Variants in RP9 observed in about 807,000 individuals in gnomAD.
RP9 encodes retinitis pigmentosa 9 protein.
Under a neutral mutation model 32.6 loss-of-function variants are expected in RP9, and 23 were observed. The observed-to-expected ratio is 0.71, with a 90% CI of 0.51 to 1.00. The LOEUF (loss-of-function observed/expected upper bound fraction) is 1.00, where lower values mean the gene tolerates loss of function less well. Among genes scored for constraint, RP9 ranks in the 50% least tolerant of loss-of-function variants. RP9 has a pLI of 0.00. For missense variants in RP9, 245 were observed against 285.3 expected (o/e 0.86, Z 1.02); for synonymous variants, 94 against 103.6 (o/e 0.91, Z 0.56).
intron 1 of RP9, among the ~76,000 whole-genome samples, chr7:33,104,349 T>A (rs185287460): frequency 7.9e-5 from 12 of 152,178 alleles, no homozygotes; most frequent in African/African-American, 2.9e-4. Context: ...AAAATAACTC[T>A]TGGGTACTAG....
chr7:33,098,660 G>C (rs1345983600), intron 3 of RP9, among the ~76,000 whole-genome samples: 3 of 152,158 alleles, frequency 2.0e-5, no homozygotes, highest in African/African-American at 7.2e-5. Flanking sequence ...TGAACTCTGA[G>C]GCACGTTGTC....
intron 1 of RP9, among the ~76,000 whole-genome samples, chr7:33,102,502 A>G (rs1185029030): frequency 6.6e-6 from 1 of 152,202 alleles, no homozygotes; most frequent in Non-Finnish European, 1.5e-5. Flanking sequence ...GATAAAAAAA[A>G]GTTGATTGAG....
rs764715426 is a variant in RP9 at position 33,095,965 on chromosome 7, T to A, written c.467+528A>T. 3.3e-5 allele frequency among the ~76,000 whole-genome samples: 5 copies of A among 152,140 alleles called. No individual in the cohort carries two copies. The South Asian group carries it at 1.0e-3, about 31-fold the overall frequency. Reference sequence around the variant, plus strand: ...CTCCCACCTCATCCTCCCGAGTGGCTGGAACTACAGGTGCGTGCTGCCATA... The same window carrying A: ...CTCCCACCTCATCCTCCCGAGTGGCAGGAACTACAGGTGCGTGCTGCCATA... On this transcript the variant is annotated intron_variant, in intron 5 of 5. Coordinates refer to ENST00000297157, the MANE Select transcript of RP9 (RefSeq NM_203288.2).
intron 1 of RP9, among the ~76,000 whole-genome samples, chr7:33,101,941 C>G (rs142186703): frequency 2.0e-5 from 3 of 152,238 alleles, no homozygotes; most frequent in Middle Eastern, 3.4e-3. Flanking sequence ...AGGAGCTTGA[C>G]AGTAAAGTCT....
At chr7:33,108,691 C>G (rs1788536559) in intron 1 of RP9, among the ~76,000 whole-genome samples, 2 of 152,332 alleles carry the variant, frequency 1.3e-5, no homozygotes, top group South Asian at 4.1e-4. Flanking sequence ...CATCACCCTT[C>G]CAAAAGGTCT....
rs1476750086 is a variant in RP9 at position 33,100,543 on chromosome 7, A to G, written c.171T>C (p.Pro57=). The change falls in exon 2 of 6, where the codon CCT becomes CCC. Residue 57 remains proline, a synonymous_variant. Transcript: ENST00000297157. ...ACTTCACACTAACCTTGATAAGCCC[A>G]GGAGGAGGTTTTTCGTAACTGGAAA... The part of the protein sequence containing the change: ...HLESFYEKPP[P]GLIKEDETKP... 3 of 1,613,628 alleles carry G rather than the reference A, an allele frequency of 1.9e-6. No homozygotes were observed. The African/African-American group carries it at 4.0e-5, about 22-fold the overall frequency.
chr7:33,096,143 T>G (rs1348975418), intron 5 of RP9, among the ~76,000 whole-genome samples: 1 of 152,238 alleles, frequency 6.6e-6, no homozygotes, highest in African/African-American at 2.4e-5. Context: ...CTAAGTATAA[T>G]TTTTAACAAA....
At chr7:33,097,554 T>C (rs1042921866) in intron 3 of RP9, among the ~76,000 whole-genome samples, 192 bp from the exon 4 acceptor site, 39 of 152,316 alleles carry the variant, frequency 2.6e-4, no homozygotes, top group African/African-American at 7.9e-4. Flanking sequence ...TTTAGTCTTA[T>C]ACCTTTAGGA....
chr7:33,104,476 A>G (rs1788471170), intron 1 of RP9, among the ~76,000 whole-genome samples: 1 of 151,952 alleles, frequency 6.6e-6, no homozygotes, highest in East Asian at 1.9e-4. Flanking sequence ...AAAAAAAAAA[A>G]GTCAATTGGA....
chr7:33,107,627 G>A (rs1054216408), intron 1 of RP9, among the ~76,000 whole-genome samples: 1 of 152,140 alleles, frequency 6.6e-6, no homozygotes, highest in Non-Finnish European at 1.5e-5. Flanking sequence ...GGGAAAAGTC[G>A]TTCAGAGCGG....
chr7:33,098,710 A>C (rs1788378894), intron 3 of RP9, among the ~76,000 whole-genome samples: 1 of 152,234 alleles, frequency 6.6e-6, no homozygotes, highest in South Asian at 2.1e-4. Flanking sequence ...AAGCATTCCC[A>C]TCAAAATTCT....
intron 1 of RP9, among the ~76,000 whole-genome samples, chr7:33,104,270 C>T (rs1788468493): frequency 6.6e-6 from 1 of 151,922 alleles, no homozygotes. Context: ...GTCAACTGCA[C>T]AAACTGGGGA....
Position 33,109,319 on chromosome 7 carries a change from C to T in RP9, c.54G>A (p.Pro18=). 1.4e-6 allele frequency: 2 copies of T among 1,458,948 alleles called. No individual in the cohort carries two copies. Among genetic ancestry groups the T allele is most frequent in the Non-Finnish European group, 9.0e-7 (1 of 1,109,618 alleles). The allele number at this position is 1,458,948 out of a possible 1,614,324, so 90.4% of individuals were successfully genotyped here. A position where few individuals can be genotyped will look rare whatever the true frequency, so the allele number is the denominator to read the frequency against. ...GCAGCTCCTGCTCCGGCGGCTCACGCGGCCGCCGCGCGCCCGCAGCCCCCA... is the reference window on the plus strand; with the variant it reads ...GCAGCTCCTGCTCCGGCGGCTCACGTGGCCGCCGCGCGCCCGCAGCCCCCA... ...EDVGAAGARR[P]REPPEQELQR... The change falls in exon 1 of 6, where the codon CCG becomes CCA. Residue 18 remains proline (P), a synonymous_variant. Coordinates refer to ENST00000297157, the MANE Select transcript of RP9 (RefSeq NM_203288.2). The surrounding 1 kb of genome is among the most constrained non-coding windows in gnomAD (Gnocchi z 4.9).
chr7:33,100,540 C>A lies in RP9; in HGVS notation c.174G>T (p.Gly58=), dbSNP rs1229825078. 6 of 1,613,480 alleles carry A rather than the reference C, an allele frequency of 3.7e-6. No individual in the cohort carries two copies. The highest frequency in any genetic ancestry group is 4.2e-6 in the Non-Finnish European group (5 of 1,179,536). ...LESFYEKPPP[G]LIKEDETKPE... is the part of the protein sequence containing the mutation. ...CAAACTTCACACTAACCTTGATAAG[C>A]CCAGGAGGAGGTTTTTCGTAACTGG... Residue 58 remains glycine (G), a synonymous_variant, in exon 2 of 6, where the codon GGG becomes GGT. Transcript: ENST00000297157.
At chr7:33,108,503 T>C (rs956737128) in intron 1 of RP9, among the ~76,000 whole-genome samples, 2 of 152,246 alleles carry the variant, frequency 1.3e-5, no homozygotes, top group African/African-American at 4.8e-5. Context: ...CTGCTTTTTT[T>C]CCTTTTGTTC....
In RP9 at chr7:33,107,530, C is replaced by CA. The variant is rs1451625364; in HGVS notation, c.152+1690dup. On this transcript the variant is annotated intron_variant, in intron 1 of 5. Transcript: ENST00000297157. The stretch of plus-strand genomic sequence containing the variant: ...CTTCCCTGGGAGACCAAGAGCGCCA[C>CA]ACAGTGACTTGAAAGGGCCAGGACT... Among the ~76,000 whole-genome samples the CA allele has an allele frequency of 2.6e-5, 4 of 152,170 alleles. No homozygotes were observed. The East Asian group carries it at 7.7e-4, about 29-fold the overall frequency.
intron 1 of RP9, among the ~76,000 whole-genome samples, chr7:33,101,186 A>G (rs1319535875): frequency 1.3e-5 from 2 of 152,144 alleles, no homozygotes; most frequent in Non-Finnish European, 2.9e-5. Flanking sequence ...ACATAGAGAA[A>G]CACTTAATGA....
At chr7:33,104,434 C>A (rs1278040510) in intron 1 of RP9, among the ~76,000 whole-genome samples, 1 of 151,490 alleles carries the variant, frequency 6.6e-6, no homozygotes, top group African/African-American at 2.4e-5. Flanking sequence ...AACAAACCTA[C>A]ACAGGTACCC....
At chr7:33,097,487 G>A in intron 3 of RP9, 125 bp from the exon 4 acceptor site, 1 of 705,464 alleles carries the variant, frequency 1.4e-6, no homozygotes, top group South Asian at 1.8e-5. Flanking sequence ...TATAATTATG[G>A]ACAAGCCATG....
Sources: allele counts gnomAD v4.1 joint callset (sites outside exome capture counted in the v4.1 genomes callset), GRCh38; gene constraint gnomAD v4.1.1; non-coding constraint Gnocchi (gnomAD v3.1); transcripts MANE v1.5; gene names NCBI Gene and HGNC (gene_info 2026-07-23, HGNC 2026-07-21).